CAMK1D: variants seen among roughly 807,000 people sequenced by gnomAD.
CAMK1D encodes calcium/calmodulin dependent protein kinase ID, also known as calcium/calmodulin-dependent protein kinase type 1D.
In CAMK1D, 9 loss-of-function variants were observed where a neutral mutation model predicts 47.7. The ratio of observed to expected loss-of-function variants is 0.19; its 90% CI spans 0.11 to 0.33. CAMK1D has a LOEUF of 0.33. Ranked by LOEUF, CAMK1D falls within the 10% of genes least tolerant of loss-of-function variation. CAMK1D has a pLI of 1.00. For missense variants in CAMK1D, 291 were observed against 488.7 expected, an observed-to-expected ratio of 0.60 and a Z score of 3.81; for synonymous variants, 184 against 184.9, an observed-to-expected ratio of 0.99 and a Z score of 0.04.
rs113673841 is a variant in CAMK1D at position 12,730,149 on chromosome 10, C to T, written c.300-30799C>T. 1.6e-3 allele frequency among the ~76,000 whole-genome samples: 248 copies of T among 152,198 alleles called. 1 individual carries two copies. Among genetic ancestry groups the T allele is most frequent in the African/African-American group, 5.3e-3 (218 of 41,522 alleles). ...GAGGCTGCGGCAGTGACCCAGTGAC[C>T]GAGGGACCTAGTTAGGATGTGTTTT... is the stretch of plus-strand genomic sequence containing the variant. On this transcript the variant is annotated intron_variant, in intron 3 of 10. Coordinates refer to ENST00000619168, the MANE Select transcript of CAMK1D (RefSeq NM_153498.4).
rs79191206 is a variant in CAMK1D at position 12,543,183 on chromosome 10, G to A, written c.93-10042G>A. On this transcript the variant is annotated intron_variant, in intron 1 of 10. Transcript: ENST00000619168. ...CTGTCTCAGCCTCCCGAGTTGCCGG[G>A]ATTATAGGCACCCACCACCACGCCC... Among the ~76,000 whole-genome samples the A allele has an allele frequency of 7.7e-3, 1,172 of 152,232 alleles. 13 individuals are homozygous for A. Among genetic ancestry groups the A allele is most frequent in the African/African-American group, 0.027 (1,103 of 41,528 alleles).
intron 2 of CAMK1D, among the ~76,000 whole-genome samples, chr10:12,644,950 G>A (rs944127929): frequency 2.5e-4 from 38 of 151,756 alleles, no homozygotes; most frequent in African/African-American, 8.0e-4. Context: ...AGAAATCTAA[G>A]TGGGTTTACT....
At chr10:12,492,397 C>T (rs1201666670) in intron 1 of CAMK1D, among the ~76,000 whole-genome samples, 1 of 150,138 alleles carries the variant, frequency 6.7e-6, no homozygotes, top group Non-Finnish European at 1.5e-5. Flanking sequence ...TCATACCTGC[C>T]ATCCACTCGC....
intron 1 of CAMK1D, among the ~76,000 whole-genome samples, chr10:12,443,461 G>C (rs186457091): frequency 6.6e-6 from 1 of 152,252 alleles, no homozygotes; most frequent in Admixed American, 6.5e-5. Context: ...TTACAGGAAA[G>C]GGGTCCTGAT....
chr10:12,371,430 G>T (rs1838002779), intron 1 of CAMK1D, among the ~76,000 whole-genome samples: 1 of 151,634 alleles, frequency 6.6e-6, no homozygotes, highest in Non-Finnish European at 1.5e-5. Flanking sequence ...CAAAAAATTA[G>T]TCGGGCTTAG....
intron 3 of CAMK1D, among the ~76,000 whole-genome samples, chr10:12,751,573 C>G (rs1245206135): frequency 1.3e-5 from 2 of 152,176 alleles, no homozygotes; most frequent in Non-Finnish European, 2.9e-5. Flanking sequence ...GGAGCCTGAC[C>G]CAGCTAACTC....
intron 1 of CAMK1D, among the ~76,000 whole-genome samples, chr10:12,351,332 A>G (rs1296041917): frequency 1.3e-5 from 2 of 152,166 alleles, no homozygotes; most frequent in Non-Finnish European, 2.9e-5. Context: ...GTTGCCTCTT[A>G]GTGCAGCCAG....
intron 3 of CAMK1D, among the ~76,000 whole-genome samples, chr10:12,725,041 T>G (rs1834559377): frequency 6.6e-6 from 1 of 152,192 alleles, no homozygotes; most frequent in African/African-American, 2.4e-5. Flanking sequence ...CCGTCTAGTG[T>G]TTTGCAGCAG....
intron 1 of CAMK1D, among the ~76,000 whole-genome samples, chr10:12,365,192 A>T (rs1261328202): frequency 2.0e-5 from 3 of 151,872 alleles, no homozygotes; most frequent in African/African-American, 2.4e-5. Context: ...CTGACCTCAA[A>T]TGATCCACCC....
Position 12,553,312 on chromosome 10 carries a change from G to T in CAMK1D, c.180G>T (p.Lys60Asn). The T allele has an allele frequency of 6.2e-7, 1 of 1,614,140 alleles. No homozygotes were observed. The highest frequency in any genetic ancestry group is 1.1e-5 in the South Asian group (1 of 91,074). ...AGTGTATCCCTAAGAAGGCGCTGAAGGGCAAGGAAAGCAGCATAGAGAATG... is the reference window on the plus strand; with the variant it reads ...AGTGTATCCCTAAGAAGGCGCTGAATGGCAAGGAAAGCAGCATAGAGAATG... ...AVKCIPKKALKGKESSIENEI... is the reference protein window; with the variant it reads ...AVKCIPKKALNGKESSIENEI... Residue 60 changes from lysine (K) to asparagine (N), a missense_variant, in exon 2 of 11, where the codon AAG (lysine) becomes AAT (asparagine). Physicochemically the swap from Lys to Asn is moderately conservative, Grantham distance 94. Transcript: ENST00000619168.
chr10:12,387,073 G>A (rs1430020742), intron 1 of CAMK1D, among the ~76,000 whole-genome samples: 1 of 150,948 alleles, frequency 6.6e-6, no homozygotes, highest in Non-Finnish European at 1.5e-5. Flanking sequence ...GTGTGATGGC[G>A]GGCACCTGTA....
At chr10:12,425,453 T>C (rs1173564408) in intron 1 of CAMK1D, among the ~76,000 whole-genome samples, 7 of 152,132 alleles carry the variant, frequency 4.6e-5, no homozygotes, top group African/African-American at 1.7e-4. Flanking sequence ...AGCTAATTTT[T>C]GTATTTTTAG....
chr10:12,366,948 T>A (rs1837854587), intron 1 of CAMK1D, among the ~76,000 whole-genome samples: 1 of 152,150 alleles, frequency 6.6e-6, no homozygotes, highest in Non-Finnish European at 1.5e-5. Context: ...GTAATTCGTG[T>A]AGCTTGGCAG....
intron 1 of CAMK1D, among the ~76,000 whole-genome samples, chr10:12,506,522 CT>C (rs113048014): frequency 0.011 from 1,659 of 149,458 alleles, 10 homozygotes; most frequent in Non-Finnish European, 0.017. Flanking sequence ...TTCTCTCTTT[CT>C]TTTTTTTTTG....
chr10:12,585,490 G>A (rs188920594), intron 2 of CAMK1D, among the ~76,000 whole-genome samples: 4 of 152,288 alleles, frequency 2.6e-5, no homozygotes, highest in Non-Finnish European at 4.4e-5. Flanking sequence ...AGATATACTC[G>A]AGACTGGATA....
chr10:12,572,201 C>T (rs926842579), intron 2 of CAMK1D, among the ~76,000 whole-genome samples: 2 of 152,062 alleles, frequency 1.3e-5, no homozygotes, highest in African/African-American at 4.8e-5. Context: ...TAATTGTAAT[C>T]CCCATGTGTC....
At chr10:12,546,690 C>T (rs973680711) in intron 1 of CAMK1D, among the ~76,000 whole-genome samples, 3 of 151,850 alleles carry the variant, frequency 2.0e-5, no homozygotes, top group Non-Finnish European at 4.4e-5. Context: ...AACCATCATT[C>T]TCAGCAAACT....
At chr10:12,691,740 C>T (rs946285344) in intron 3 of CAMK1D, among the ~76,000 whole-genome samples, 7 of 151,960 alleles carry the variant, frequency 4.6e-5, no homozygotes, top group African/African-American at 9.7e-5. Context: ...CATGAGCCAC[C>T]GCATCTGCTC....
chr10:12,723,934 G>A (rs1038843548), intron 3 of CAMK1D, among the ~76,000 whole-genome samples: 2 of 151,658 alleles, frequency 1.3e-5, no homozygotes, highest in Non-Finnish European at 1.5e-5. Context: ...AACAGGCCCC[G>A]GTGTGTGATG....
Sources: allele counts gnomAD v4.1 joint callset (sites outside exome capture counted in the v4.1 genomes callset), GRCh38; gene constraint gnomAD v4.1.1; transcripts MANE v1.5; gene names NCBI Gene and HGNC (gene_info 2026-07-23, HGNC 2026-07-21).